Variants in STXBP4 observed in about 807,000 individuals in gnomAD.
STXBP4 encodes the protein syntaxin-binding protein 4.
A neutral mutation model predicts 76.1 loss-of-function variants in STXBP4; 55 were observed. That is an observed-to-expected ratio of 0.72 (90% CI 0.58 to 0.91). The LOEUF is 0.91. Ranked by LOEUF, STXBP4 falls within the 40% of genes least tolerant of loss-of-function variation. The pLI, the probability that STXBP4 is intolerant of heterozygous loss-of-function variation, is 0.00. For synonymous variants in STXBP4, 201 were observed against 220.2 expected (o/e 0.91, Z 0.77); for missense variants, 618 against 636.9 (o/e 0.97, Z 0.32).
At position 55,043,769 on chromosome 17, in the gene STXBP4, G is replaced by A. The variant is rs572685844; in HGVS notation, c.945+444G>A. The A allele has an allele frequency of 8.9e-4, 830 of 928,988 alleles. 1 individual carries two copies. The highest frequency in any genetic ancestry group is 1.6e-3 in the Middle Eastern group (7 of 4,490). 57.5% of individuals were successfully genotyped at this position (928,988 alleles called of 1,614,324 possible). A position where few individuals can be genotyped will look rare whatever the true frequency, so the allele number is the denominator to read the frequency against. Reference sequence around the variant, plus strand: ...AATTTGGAATTAATATTATTTTAGAGAGGAAAAAAACACACATATCCCAAA... The same window carrying A: ...AATTTGGAATTAATATTATTTTAGAAAGGAAAAAAACACACATATCCCAAA... On this transcript the variant is annotated intron_variant, in intron 11 of 17. Coordinates refer to ENST00000376352, the MANE Select transcript of STXBP4 (RefSeq NM_178509.6).
At chr17:55,154,641 A>G (rs1008564912) in intron 17 of STXBP4, among the ~76,000 whole-genome samples, 19 of 152,168 alleles carry the variant, frequency 1.2e-4, no homozygotes, top group Admixed American at 1.1e-3. Flanking sequence ...AATTAATTAT[A>G]TTGGCTTTGT....
At chr17:55,044,644 A>T (rs1481911747) in intron 11 of STXBP4, 1 of 152,100 alleles carries the variant, frequency 6.6e-6, no homozygotes, top group Non-Finnish European at 1.5e-5. Context: ...ACTATTTAAA[A>T]CATAAAAACA....
downstream of STXBP4, among the ~76,000 whole-genome samples, chr17:55,177,105 C>G (rs1271425980): frequency 6.6e-6 from 1 of 152,194 alleles, no homozygotes. Context: ...TCACACAAAC[C>G]AATTCCCATA....
At chr17:55,202,547 G>T in the STXBP4 span, among the ~76,000 whole-genome samples, 1 of 152,022 alleles carries the variant, frequency 6.6e-6, no homozygotes, top group Non-Finnish European at 1.5e-5. Flanking sequence ...TTTAAAGGGT[G>T]TCTTGCTCAG....
At chr17:55,151,338 T>C (rs1486705846) in intron 17 of STXBP4, among the ~76,000 whole-genome samples, 2 of 152,130 alleles carry the variant, frequency 1.3e-5, no homozygotes, top group Non-Finnish European at 1.5e-5. Flanking sequence ...TAGAGAAAAA[T>C]AAGGTCTGTG....
intron 11 of STXBP4, among the ~76,000 whole-genome samples, chr17:55,046,262 A>T (rs942792092): frequency 2.0e-4 from 30 of 152,004 alleles, no homozygotes; most frequent in South Asian, 2.1e-4. Flanking sequence ...CCTGTGGCAT[A>T]GTCATTAGAT....
At position 54,991,067 on chromosome 17, in the gene STXBP4, C is replaced by T. The variant is rs530337073; in HGVS notation, c.180+110C>T. Reference sequence around the variant, plus strand: ...ATTTATATCCACTGTGACCATACCTCAGTGAAAAATACAAAGGAATTAGAA... The same window carrying T: ...ATTTATATCCACTGTGACCATACCTTAGTGAAAAATACAAAGGAATTAGAA... On this transcript the variant is annotated intron_variant, in intron 4 of 17. Transcript: ENST00000376352. 6 of 1,210,570 alleles carry T rather than the reference C, an allele frequency of 5.0e-6. No individual in the cohort carries two copies. In the Admixed American group the frequency reaches 9.0e-5, roughly 18 times the overall value. The allele number at this position is 1,210,570 out of a possible 1,614,324, so 75.0% of individuals were successfully genotyped here.
intron 10 of STXBP4, among the ~76,000 whole-genome samples, chr17:55,037,800 T>C (rs2078629042): frequency 6.6e-6 from 1 of 152,190 alleles, no homozygotes; most frequent in African/African-American, 2.4e-5. Context: ...TTCACTTGTA[T>C]TTCATTAAAA....
chr17:54,986,290 T>C, intron 3 of STXBP4, 24 bp downstream of exon 3: 1 of 1,518,416 alleles, frequency 6.6e-7, no homozygotes, highest in Non-Finnish European at 9.0e-7. Context: ...TTAATATGTT[T>C]TGAAATATAG....
In STXBP4 at chr17:55,161,145, A is replaced by G. The variant is rs1408692545; in HGVS notation, c.*1234A>G. On this transcript the variant is annotated 3_prime_UTR_variant, in exon 18 of 18. Transcript: ENST00000376352. The stretch of plus-strand genomic sequence containing the variant: ...TAAGTCTCCTAGTCTACTGAATTTC[A>G]TATGGTGTATAATACAGATTTATAT... 1 of 152,210 alleles carries G rather than the reference A, an allele frequency of 6.6e-6. No homozygotes were observed. Among genetic ancestry groups the G allele is most frequent in the African/African-American group, 2.4e-5 (1 of 41,452 alleles). 9.4% of individuals were successfully genotyped at this position (152,210 alleles called of 1,614,324 possible).
intron 16 of STXBP4, among the ~76,000 whole-genome samples, chr17:55,126,955 T>C (rs2079919337): frequency 6.6e-6 from 1 of 152,202 alleles, no homozygotes; most frequent in African/African-American, 2.4e-5. Flanking sequence ...TTAATGGGAT[T>C]GCACATACTA....
intron 16 of STXBP4, among the ~76,000 whole-genome samples, chr17:55,132,375 G>A (rs1481606681): frequency 2.0e-5 from 3 of 152,208 alleles, no homozygotes; most frequent in Non-Finnish European, 4.4e-5. Context: ...ATTTTTAGTA[G>A]AGACGGGGTT....
At chr17:55,070,079 C>G (rs1347618866) in intron 12 of STXBP4, among the ~76,000 whole-genome samples, 1 of 151,998 alleles carries the variant, frequency 6.6e-6, no homozygotes, top group Non-Finnish European at 1.5e-5. Flanking sequence ...TTTTTAAAAA[C>G]ATTTTCTGTA....
chr17:55,041,828 CCACTACCACCAT>C (rs1419628145), intron 10 of STXBP4, among the ~76,000 whole-genome samples: 1 of 152,048 alleles, frequency 6.6e-6, no homozygotes, highest in Non-Finnish European at 1.5e-5. Flanking sequence ...AAATCATATA[CCACTACCACCAT>C]CACTACCACT....
At chr17:55,202,462 AATG>A in the STXBP4 span, among the ~76,000 whole-genome samples, 20 of 152,012 alleles carry the variant, frequency 1.3e-4, no homozygotes, top group African/African-American at 4.4e-4. Context: ...CATTTAATTA[AATG>A]ATGTCATTTA....
intron 4 of STXBP4, among the ~76,000 whole-genome samples, chr17:54,992,965 A>G (rs1598169528): frequency 6.6e-6 from 1 of 152,066 alleles, no homozygotes; most frequent in South Asian, 2.1e-4. Flanking sequence ...CATCCGCCTC[A>G]GCCTCCCAAA....
downstream of STXBP4, among the ~76,000 whole-genome samples, chr17:55,176,405 CAG>C (rs764452042): frequency 1.1e-4 from 17 of 152,186 alleles, no homozygotes; most frequent in Admixed American, 4.6e-4. Context: ...GGTGATGAGA[CAG>C]AGTGATGCTG....
At chr17:55,081,556 G>A (rs1402356788) in intron 16 of STXBP4, among the ~76,000 whole-genome samples, 2 of 152,150 alleles carry the variant, frequency 1.3e-5, no homozygotes, top group Non-Finnish European at 2.9e-5. Context: ...CTGAGCAAAA[G>A]ACCCCAAAAC....
At chr17:55,144,013 A>ATG (rs1567780815) in intron 17 of STXBP4, among the ~76,000 whole-genome samples, 1 of 131,620 alleles carries the variant, frequency 7.6e-6, no homozygotes, top group East Asian at 2.0e-4. Context: ...CTGCACACAC[A>ATG]CACACACACA....
Sources: gnomAD v4.1 joint callset for allele counts (sites outside exome capture counted in the v4.1 genomes callset) on GRCh38, gnomAD v4.1.1 for gene constraint, MANE v1.5 for transcripts, NCBI Gene and HGNC (gene_info 2026-07-23, HGNC 2026-07-21) for gene names.